The following CFTR variants were observed in gnomAD, a reference collection of about 807,000 sequenced individuals.
CFTR encodes the protein cystic fibrosis transmembrane conductance regulator.
CFTR carries 181 observed loss-of-function variants against 171.6 expected under a neutral mutation model. The observed-to-expected ratio is 1.05, with a 90% CI of 0.93 to 1.19. CFTR has a LOEUF of 1.19. Among genes scored for constraint, CFTR ranks in the 50% most tolerant of loss-of-function variants. The pLI is 0.00. For missense variants in CFTR, 1,968 were observed against 1,734.7 expected (o/e 1.13, Z -2.39); for synonymous variants, 583 against 608.0 (o/e 0.96, Z 0.60).
At chr7:117,543,260 A>G (rs1056792373) in intron 9 of CFTR, among the ~76,000 whole-genome samples, 2 of 152,258 alleles carry the variant, frequency 1.3e-5, no homozygotes, top group African/African-American at 4.8e-5. Context: ...TTTTAAAGAT[A>G]TAGTAAGAGT....
At chr7:117,594,839 ATTCTT>A (rs2116039051) in intron 14 of CFTR, 86 bp from the exon 15 acceptor site, 22 of 1,140,470 alleles carry the variant, frequency 1.9e-5, no homozygotes, top group South Asian at 3.9e-5. Flanking sequence ...AAGTAATACT[ATTCTT>A]TTATTTTCAT....
At chr7:117,559,985 G>A (rs1434066121) in intron 11 of CFTR, among the ~76,000 whole-genome samples, 1 of 151,904 alleles carries the variant, frequency 6.6e-6, no homozygotes, top group East Asian at 1.9e-4. Context: ...TAAGTGATAT[G>A]TGGTATCTTT....
chr7:117,653,575 A>ACTAT (rs1554396466), intron 24 of CFTR, among the ~76,000 whole-genome samples: 1 of 151,966 alleles, frequency 6.6e-6, no homozygotes, highest in African/African-American at 2.4e-5. Context: ...ACATTCTAAT[A>ACTAT]CTATCACCTT....
Position 117,498,383 on chromosome 7 carries a change from G to A in CFTR, c.54-5870G>A, listed in dbSNP as rs553570537. On this transcript the variant is annotated intron_variant, in intron 1 of 26. Coordinates refer to ENST00000003084, the MANE Select transcript of CFTR (RefSeq NM_000492.4). ...ACTGCTTATAAATTCACCATTTTAT[G>A]GAGAAGAAGCAAACACTGCTAAATA... 3.8e-4 allele frequency among the ~76,000 whole-genome samples: 58 copies of A among 152,224 alleles called. No individual in the cohort carries two copies. The highest frequency in any genetic ancestry group is 1.1e-3 in the African/African-American group (45 of 41,544).
chr7:117,602,801 T>G, intron 15 of CFTR, 25 bp from the exon 16 acceptor site: 1 of 1,612,252 alleles, frequency 6.2e-7, no homozygotes. Flanking sequence ...AGAAAAAAAA[T>G]CAACTGTGTC....
intron 21 of CFTR, among the ~76,000 whole-genome samples, chr7:117,618,830 A>T (rs1792531417): frequency 6.6e-6 from 1 of 152,234 alleles, no homozygotes. Flanking sequence ...ATAGTTTAAT[A>T]GTTTGTGAAT....
At chr7:117,590,537 G>C in intron 13 of CFTR, 98 bp downstream of exon 13, 1 of 1,398,000 alleles carries the variant, frequency 7.2e-7, no homozygotes, top group Middle Eastern at 2.6e-4. Flanking sequence ...TGAGAAATAT[G>C]TTCACCATTG....
intron 10 of CFTR, among the ~76,000 whole-genome samples, chr7:117,552,609 C>T (rs1481907947): frequency 1.3e-5 from 2 of 151,974 alleles, no homozygotes; most frequent in African/African-American, 2.4e-5. Flanking sequence ...TACTGTCTCT[C>T]ATCTGTCCAT....
At chr7:117,537,632 T>C (rs1456705605) in intron 7 of CFTR, among the ~76,000 whole-genome samples, 1 of 152,178 alleles carries the variant, frequency 6.6e-6, no homozygotes, top group African/African-American at 2.4e-5. Flanking sequence ...AGGTGTGTGA[T>C]TGTAACAACA....
At chr7:117,634,531 GT>G (rs1214699893) in intron 22 of CFTR, among the ~76,000 whole-genome samples, 1 of 151,938 alleles carries the variant, frequency 6.6e-6, no homozygotes, top group Non-Finnish European at 1.5e-5. Context: ...TCTTTTGCTA[GT>G]TATCCAAGGT....
chr7:117,511,717 T>A (rs1798521081), intron 3 of CFTR, among the ~76,000 whole-genome samples: 1 of 152,224 alleles, frequency 6.6e-6, no homozygotes, highest in South Asian at 2.1e-4. Context: ...GCTGACACCA[T>A]GCAGTTTTAA....
chr7:117,482,571 A>T (rs1771937667), intron 1 of CFTR, among the ~76,000 whole-genome samples: 1 of 152,166 alleles, frequency 6.6e-6, no homozygotes, highest in Non-Finnish European at 1.5e-5. Flanking sequence ...ATTAAATTGA[A>T]ACTTTTATGA....
At chr7:117,607,445 C>T (rs36001070) in intron 18 of CFTR, among the ~76,000 whole-genome samples, 223 of 152,126 alleles carry the variant, frequency 1.5e-3, no homozygotes, top group African/African-American at 4.9e-3. Context: ...ATTAGGTCTC[C>T]ATAAGTGACA....
At chr7:117,665,790 T>A (rs1201454963) in intron 26 of CFTR, among the ~76,000 whole-genome samples, 1 of 152,242 alleles carries the variant, frequency 6.6e-6, no homozygotes, top group East Asian at 1.9e-4. Context: ...AGCATATTAC[T>A]AAGTTATGTT....
At chr7:117,639,053 T>G (rs1297503507) in intron 22 of CFTR, among the ~76,000 whole-genome samples, 2 of 152,154 alleles carry the variant, frequency 1.3e-5, no homozygotes, top group African/African-American at 4.8e-5. Flanking sequence ...CTCGTTTAAT[T>G]TTTAATGGAT....
intron 21 of CFTR, among the ~76,000 whole-genome samples, chr7:117,623,105 G>GA (rs1384860791): frequency 6.6e-6 from 1 of 152,096 alleles, no homozygotes; most frequent in East Asian, 1.9e-4. Context: ...TGATCCTTAA[G>GA]AAAAAATCCC....
rs766640075 is a variant in CFTR, at chr7:117,534,349, T to C, written c.563T>C (p.Leu188Pro). The C allele has an allele frequency of 6.4e-7, 1 of 1,564,732 alleles. No individual in the cohort carries two copies. Among genetic ancestry groups the C allele is most frequent in the Non-Finnish European group, 8.8e-7 (1 of 1,135,622 alleles). The change falls in exon 5 of 27, where the codon CTG becomes CCG. Residue 188 changes from leucine (L) to proline (P), a missense_variant. Physicochemically the swap from Leu to Pro is moderately conservative, Grantham distance 98. Transcript: ENST00000003084. ...CTTGTTAGTCTCCTTTCCAACAACC[T>C]GAACAAATTTGATGAAGTATGTACC... is the stretch of plus-strand genomic sequence containing the variant. The part of the protein sequence containing the change: ...GQLVSLLSNN[L>P]NKFDEGLALA...
chr7:117,483,831 C>G (rs1406305776), intron 1 of CFTR, among the ~76,000 whole-genome samples: 1 of 152,114 alleles, frequency 6.6e-6, no homozygotes, highest in Non-Finnish European at 1.5e-5. Flanking sequence ...CACTCAGTCT[C>G]CCAAAGTGCT....
rs545861743 is a variant in CFTR at position 117,583,916 on chromosome 7, T to C, written c.1585-3823T>C. 2.6e-4 allele frequency among the ~76,000 whole-genome samples: 40 copies of C among 152,318 alleles called. 1 individual carries two copies. In the South Asian group the frequency reaches 6.0e-3, roughly 23 times the overall value. The stretch of plus-strand genomic sequence containing the variant: ...ATTGTGGTTTTAATTTGCATTTCCC[T>C]GATAATCAGTGATGTTGAGCATTTT... On this transcript the variant is annotated intron_variant, in intron 11 of 26. Coordinates refer to ENST00000003084, the MANE Select transcript of CFTR (RefSeq NM_000492.4).
Sources: gnomAD v4.1 joint callset for allele counts (sites outside exome capture counted in the v4.1 genomes callset) on GRCh38, gnomAD v4.1.1 for gene constraint, MANE v1.5 for transcripts, NCBI Gene and HGNC (gene_info 2026-07-23, HGNC 2026-07-21) for gene names.